Variants in TNP2 observed in about 807,000 individuals in gnomAD.
The protein encoded by TNP2 is nuclear transition protein 2.
A neutral mutation model predicts 8.5 loss-of-function variants in TNP2; 10 were observed. The observed-to-expected ratio is 1.17, with a 90% CI of 0.72 to 1.99. The LOEUF is 1.99. TNP2 is among the 30% of genes most tolerant of loss of function. The pLI is 0.00. For synonymous variants in TNP2, 80 were observed against 62.3 expected (o/e 1.28, Z -1.34); for missense variants, 222 against 181.2 (o/e 1.23, Z -1.29).
chr16:11,268,635 T>G, intron 1 of TNP2: 1 of 496,900 alleles, frequency 2.0e-6, no homozygotes, highest in South Asian at 4.4e-5. Flanking sequence ...GCTTATCTGC[T>G]ATCTGTCCAT....
chr16:11,268,292 T>A (rs944168352), intron 1 of TNP2: 1 of 402,624 alleles, frequency 2.5e-6, no homozygotes, highest in African/African-American at 2.0e-5. Context: ...TAGATATCTA[T>A]TCTTCTCTCT....
At position 11,268,905 on chromosome 16, in the gene TNP2, T is replaced by C; in HGVS notation, c.358A>G (p.Lys120Glu). ...GTTTTGTACACCTGCTGGATCCTCT[T>C]GGCCATTTTTTTCTTTTTCAGCTTG... ...EGKLKKKKMAKRIQQVYKTKT... is the reference protein window; with the variant it reads ...EGKLKKKKMAERIQQVYKTKT... Residue 120 changes from lysine (K) to glutamate (E), a missense_variant, in exon 1 of 2, where the codon AAG becomes GAG. Coordinates refer to ENST00000312693, the MANE Select transcript of TNP2 (RefSeq NM_005425.5). The C allele has an allele frequency of 6.2e-7, 1 of 1,607,326 alleles. No homozygotes were observed. The highest frequency in any genetic ancestry group is 8.5e-7 in the Non-Finnish European group (1 of 1,177,496).
chr16:11,268,884 T>G lies in TNP2; in HGVS notation c.379A>C (p.Lys127Gln), dbSNP rs202156542. ...KMAKRIQQVY[K>Q]TKTRSSGWKS... ...GTACCTGAGCTCCGCGTCTTGGTTT[T>G]GTACACCTGCTGGATCCTCTTGGCC... Residue 127 changes from lysine to glutamine, a missense_variant, in exon 1 of 2, where the codon AAA becomes CAA. Physicochemically the swap from Lys to Gln is moderately conservative, Grantham distance 53. Coordinates refer to ENST00000312693, the MANE Select transcript of TNP2 (RefSeq NM_005425.5). 3 of 1,593,844 alleles carry G rather than the reference T, an allele frequency of 1.9e-6. No individual in the cohort carries two copies. The highest frequency in any genetic ancestry group is 4.5e-5 in the East Asian group (2 of 44,722).
At position 11,267,909 on chromosome 16, in the gene TNP2, A is replaced by G. The variant is rs1341623955; in HGVS notation, c.*87T>C. On this transcript the variant is annotated 3_prime_UTR_variant, in exon 2 of 2. Transcript: ENST00000312693. ...GTGTTGCGTAGAAATCACCATAGTA[A>G]CATGTTCCTGCAAGAAGATTGACTT... 3 of 1,422,070 alleles carry G rather than the reference A, an allele frequency of 2.1e-6. No individual in the cohort carries two copies. Among genetic ancestry groups the G allele is most frequent in the Non-Finnish European group, 2.9e-6 (3 of 1,024,618 alleles). 88.1% of individuals were successfully genotyped at this position (1,422,070 alleles called of 1,614,324 possible). A position where few individuals can be genotyped will look rare whatever the true frequency, so the allele number is the denominator to read the frequency against.
rs376537553 is a variant in TNP2, at chr16:11,269,128, C to T, written c.135G>A (p.Arg45=). Residue 45 remains arginine (R), a synonymous_variant, in exon 1 of 2, where the codon CGG becomes CGA. Coordinates refer to ENST00000312693, the MANE Select transcript of TNP2 (RefSeq NM_005425.5). Reference sequence around the variant, plus strand: ...CCGGGCTCTGGCTGGAGCTCTGGCTCCGGCTGCCACGATGGCTCTGTCTGC... The same window carrying T: ...CCGGGCTCTGGCTGGAGCTCTGGCTTCGGCTGCCACGATGGCTCTGTCTGC... The part of the protein sequence containing the change: ...QSCRQSHRGS[R]SQSSSQSPAS... The T allele has an allele frequency of 5.4e-5, 87 of 1,613,936 alleles. No homozygotes were observed. Among genetic ancestry groups the T allele is most frequent in the African/African-American group, 1.1e-4 (8 of 75,022 alleles).
intron 1 of TNP2, 130 bp from the exon 2 acceptor site, chr16:11,268,142 G>A: frequency 1.2e-6 from 1 of 814,468 alleles, no homozygotes; most frequent in Non-Finnish European, 2.0e-6. Context: ...ATAGAGTTTA[G>A]ACTACCGTCA....
At chr16:11,268,091 G>T in intron 1 of TNP2, 79 bp from the exon 2 acceptor site, 1 of 1,392,828 alleles carries the variant, frequency 7.2e-7, no homozygotes, top group South Asian at 1.2e-5. Context: ...CCTCCTGTAA[G>T]GTCTTACAAC....
In TNP2 at chr16:11,269,237, G is replaced by A. The variant is rs1333203528; in HGVS notation, c.26C>T (p.Pro9Leu). Residue 9 changes from proline (P) to leucine (L), a missense_variant, in exon 1 of 2, where the codon CCT (proline) becomes CTT (leucine). By Grantham distance (98) the Pro-to-Leu change is moderately conservative. Coordinates refer to ENST00000312693, the MANE Select transcript of TNP2 (RefSeq NM_005425.5). ...GCTATGGAGCTGAGTGTGGGTGATA[G>A]GAAGGCTGTGAGTCTGGGTGTCCAT... Reference protein sequence around the residue: MDTQTHSLPITHTQLHSNS... With the variant: MDTQTHSLLITHTQLHSNS... 4 of 1,603,884 alleles carry A rather than the reference G, an allele frequency of 2.5e-6. No individual in the cohort carries two copies. The highest frequency in any genetic ancestry group is 3.4e-6 in the Non-Finnish European group (4 of 1,179,746).
At chr16:11,268,466 C>T (rs1306579791) in intron 1 of TNP2, 1 of 337,192 alleles carries the variant, frequency 3.0e-6, no homozygotes, top group Non-Finnish European at 5.4e-6. Flanking sequence ...ACTAGCCAGC[C>T]AGTGCATTCA....
At position 11,268,964 on chromosome 16, in the gene TNP2, C is replaced by A. The variant is rs764681118; in HGVS notation, c.299G>T (p.Cys100Phe). The A allele has an allele frequency of 6.2e-7, 1 of 1,613,874 alleles. No homozygotes were observed. Among genetic ancestry groups the A allele is most frequent in the Non-Finnish European group, 8.5e-7 (1 of 1,179,864 alleles). The change falls in exon 1 of 2, where the codon TGC becomes TTC. Residue 100 changes from cysteine to phenylalanine, a missense_variant. Physicochemically the swap from Cys to Phe is radical, Grantham distance 205 (BLOSUM62 -2). Coordinates refer to ENST00000312693, the MANE Select transcript of TNP2 (RefSeq NM_005425.5). ...HSPMRPTILHCRCPKNRKNLE... is the reference protein window; with the variant it reads ...HSPMRPTILHFRCPKNRKNLE... Reference sequence around the variant, plus strand: ...GTTCTTTCTGTTCTTGGGGCAGCGGCAGTGCAGGATGGTGGGCCGCATGGG... The same window carrying A: ...GTTCTTTCTGTTCTTGGGGCAGCGGAAGTGCAGGATGGTGGGCCGCATGGG...
chr16:11,268,967 T>C lies in TNP2; in HGVS notation c.296A>G (p.His99Arg). Reference protein sequence around the residue: ...HHSPMRPTILHCRCPKNRKNL... With the variant: ...HHSPMRPTILRCRCPKNRKNL... ...CTTTCTGTTCTTGGGGCAGCGGCAGTGCAGGATGGTGGGCCGCATGGGAGA... is the reference window on the plus strand; with the variant it reads ...CTTTCTGTTCTTGGGGCAGCGGCAGCGCAGGATGGTGGGCCGCATGGGAGA... The change falls in exon 1 of 2, where the codon CAC becomes CGC. Residue 99 changes from histidine to arginine, a missense_variant. Physicochemically the swap from His to Arg is conservative, Grantham distance 29. Transcript: ENST00000312693. The C allele has an allele frequency of 6.2e-7, 1 of 1,613,996 alleles. No individual in the cohort carries two copies. Among genetic ancestry groups the C allele is most frequent in the Non-Finnish European group, 8.5e-7 (1 of 1,179,886 alleles).
intron 1 of TNP2, 153 bp downstream of exon 1, chr16:11,268,710 C>T: frequency 1.3e-6 from 1 of 793,198 alleles, no homozygotes; most frequent in Non-Finnish European, 1.9e-6. Flanking sequence ...ATCATACATT[C>T]AGCTAGCCAA....
chr16:11,267,956 G>T lies in TNP2; in HGVS notation c.*40C>A. ...ACTTCATCCTAGCATTTTCTCCTTT[G>T]GGTGAAACACGCAGGAACAAGCCAA... On this transcript the variant is annotated 3_prime_UTR_variant, in exon 2 of 2. Transcript: ENST00000312693. 6.2e-7 allele frequency: 1 copy of T among 1,605,118 alleles called. No homozygotes were observed. Among genetic ancestry groups the T allele is most frequent in the Non-Finnish European group, 8.5e-7 (1 of 1,175,200 alleles).
intron 1 of TNP2, 156 bp from the exon 2 acceptor site, chr16:11,268,168 A>C (rs192044465): frequency 3.2e-6 from 2 of 620,614 alleles, no homozygotes; most frequent in Non-Finnish European, 5.6e-6. Context: ...CTTTTGACCT[A>C]TGTGAATCCA....
chr16:11,269,163 T>C lies in TNP2; in HGVS notation c.100A>G (p.Ser34Gly), dbSNP rs776324701. Reference sequence around the variant, plus strand: ...CGATGGCTCTGTCTGCAACTCTGGCTGAAGGTTTGGCAATGGCGGGTGCAG... The same window carrying C: ...CGATGGCTCTGTCTGCAACTCTGGCCGAAGGTTTGGCAATGGCGGGTGCAG... ...RTCTRHCQTFSQSCRQSHRGS... is the reference protein window; with the variant it reads ...RTCTRHCQTFGQSCRQSHRGS... The change falls in exon 1 of 2, where the codon AGC becomes GGC. Residue 34 changes from serine to glycine, a missense_variant. Physicochemically the swap from Ser to Gly is moderately conservative, Grantham distance 56. Transcript: ENST00000312693. 5.0e-6 allele frequency: 8 copies of C among 1,613,814 alleles called. No individual in the cohort carries two copies. Among genetic ancestry groups the C allele is most frequent in the Non-Finnish European group, 5.1e-6 (6 of 1,179,898 alleles).
rs2069748318 is a variant in TNP2, at chr16:11,268,978, G to A, written c.285C>T (p.Pro95=). 6.2e-7 allele frequency: 1 copy of A among 1,613,976 alleles called. No individual in the cohort carries two copies. Residue 95 remains proline, a synonymous_variant, in exon 1 of 2, where the codon CCC becomes CCT. Coordinates refer to ENST00000312693, the MANE Select transcript of TNP2 (RefSeq NM_005425.5). Reference sequence around the variant, plus strand: ...TGGGGCAGCGGCAGTGCAGGATGGTGGGCCGCATGGGAGAGTGGTGGGAGT... The same window carrying A: ...TGGGGCAGCGGCAGTGCAGGATGGTAGGCCGCATGGGAGAGTGGTGGGAGT... ...TMNSHHSPMR[P]TILHCRCPKN... is the part of the protein sequence containing the mutation.
chr16:11,268,885 G>T lies in TNP2; in HGVS notation c.378C>A (p.Tyr126Ter). 1.9e-6 allele frequency: 3 copies of T among 1,594,646 alleles called. No individual in the cohort carries two copies. In the South Asian group the frequency reaches 3.4e-5, roughly 18 times the overall value. ...TACCTGAGCTCCGCGTCTTGGTTTT[G>T]TACACCTGCTGGATCCTCTTGGCCA... ...KKMAKRIQQV[Y>*]KTKTRSSGWK... Residue 126 changes from tyrosine to a stop codon, truncating the protein, a stop_gained, in exon 1 of 2, where the codon TAC (tyrosine) becomes TAA (stop). Coordinates refer to ENST00000312693, the MANE Select transcript of TNP2 (RefSeq NM_005425.5). LOFTEE classifies it high-confidence loss of function.
chr16:11,268,620 A>G, intron 1 of TNP2: 2 of 475,608 alleles, frequency 4.2e-6, no homozygotes, highest in South Asian at 5.2e-5. Flanking sequence ...TCATGCTTTC[A>G]TCTAGCTTAT....
At chr16:11,268,331 T>C (rs1408521851) in intron 1 of TNP2, 1 of 297,722 alleles carries the variant, frequency 3.4e-6, no homozygotes, top group Admixed American at 4.7e-5. Flanking sequence ...TATTACTCTA[T>C]TAAGATAATA....
Sources: allele counts gnomAD v4.1 joint callset, GRCh38; gene constraint gnomAD v4.1.1; transcripts MANE v1.5; gene names NCBI Gene and HGNC (gene_info 2026-07-23, HGNC 2026-07-21).